Variants in NOTCH4 observed in about 807,000 individuals in gnomAD.
NOTCH4 encodes neurogenic locus notch homolog protein 4.
NOTCH4 carries 138 observed loss-of-function variants against 189.0 expected under a neutral mutation model. The ratio of observed to expected loss-of-function variants is 0.73; its 90% CI spans 0.64 to 0.84. The LOEUF (loss-of-function observed/expected upper bound fraction) is 0.84. Among genes scored for constraint, NOTCH4 ranks in the 40% least tolerant of loss-of-function variants. The probability of loss-of-function intolerance (pLI) is 0.00; values close to 1 mark genes in which losing one functional copy is unlikely to be tolerated. For missense variants in NOTCH4, 2,286 were observed against 2,605.4 expected (o/e 0.88, Z 2.67); for synonymous variants, 942 against 1,032.8 (o/e 0.91, Z 1.69).
chr6:32,197,257 A>G, intron 27 of NOTCH4, 42 bp downstream of exon 27: 2 of 1,514,108 alleles, frequency 1.3e-6, no homozygotes, highest in Non-Finnish European at 8.8e-7. Context: ...CTTTACTTGT[A>G]AGCTCGCCCC....
chr6:32,195,180 C>T lies in NOTCH4; in HGVS notation c.*257G>A, dbSNP rs148437659. 1.1e-3 allele frequency: 559 copies of T among 501,604 alleles called. No homozygotes were observed. The highest frequency in any genetic ancestry group is 1.7e-3 in the Non-Finnish European group (474 of 286,380). The allele number at this position is 501,604 out of a possible 1,614,324, so 31.1% of individuals were successfully genotyped here. A position where few individuals can be genotyped will look rare whatever the true frequency, so the allele number is the denominator to read the frequency against. The stretch of plus-strand genomic sequence containing the variant: ...CCAACTTAGGGGTATTTCCACTCCA[C>T]TCTGCCCTCCTGTGGCCTGTCTTAT... On this transcript the variant is annotated 3_prime_UTR_variant, in exon 30 of 30. Coordinates refer to ENST00000375023, the MANE Select transcript of NOTCH4 (RefSeq NM_004557.4). The surrounding 1 kb of genome is among the most constrained non-coding windows in gnomAD (Gnocchi z 5.4).
chr6:32,216,838 C>A (rs766003092), intron 11 of NOTCH4, 107 bp downstream of exon 11: 5 of 1,276,996 alleles, frequency 3.9e-6, no homozygotes, highest in East Asian at 4.6e-5. Flanking sequence ...ATACCATTCT[C>A]ATTCTATTCT....
intron 11 of NOTCH4, 152 bp downstream of exon 11, chr6:32,216,793 A>C: frequency 1.0e-6 from 1 of 975,486 alleles, no homozygotes; most frequent in Non-Finnish European, 1.6e-6. Flanking sequence ...ATGGTTGTAC[A>C]ATTGTGCAGG....
rs752392588 is a variant in NOTCH4, at chr6:32,198,380, G to T, written c.4756+41C>A. 6 of 1,557,956 alleles carry T rather than the reference G, an allele frequency of 3.9e-6. No individual in the cohort carries two copies. In the South Asian group the frequency reaches 4.7e-5, roughly 12 times the overall value. On this transcript the variant is annotated intron_variant, in intron 26 of 29. Coordinates refer to ENST00000375023, the MANE Select transcript of NOTCH4 (RefSeq NM_004557.4). This position sits in a 1 kb window ranked among gnomAD's most constrained non-coding sequence, Gnocchi z 5.5. Reference sequence around the variant, plus strand: ...ACTCTCTGATTCTAATAGGGTCAAAGGACTTTTTTTTTTTTTCTTGGTCTG... The same window carrying T: ...ACTCTCTGATTCTAATAGGGTCAAATGACTTTTTTTTTTTTTCTTGGTCTG...
At chr6:32,216,617 T>A (rs1170334395) in intron 11 of NOTCH4, 3 of 460,452 alleles carry the variant, frequency 6.5e-6, no homozygotes, top group Non-Finnish European at 1.2e-5. Flanking sequence ...GCAACTGTCT[T>A]ACTCAGATTT....
At position 32,223,767 on chromosome 6, in the gene NOTCH4, C is replaced by T. The variant is rs9469093; in HGVS notation, c.73+89G>A. The T allele has an allele frequency of 0.021, 27,547 of 1,313,144 alleles. 1,030 individuals are homozygous for T. The highest frequency in any genetic ancestry group is 0.15 in the African/African-American group (10,267 of 67,136). The allele number at this position is 1,313,144 out of a possible 1,614,324, so 81.3% of individuals were successfully genotyped here. ...TCTCCTCCATCCAGCATCCCTCACA[C>T]GGCCTGGGGCTTGGCCCTCTTCCCC... On this transcript the variant is annotated intron_variant, in intron 1 of 29. Coordinates refer to ENST00000375023, the MANE Select transcript of NOTCH4 (RefSeq NM_004557.4).
intron 14 of NOTCH4, 114 bp from the exon 15 acceptor site, chr6:32,213,366 C>T (rs907694694): frequency 3.0e-6 from 2 of 677,410 alleles, no homozygotes; most frequent in African/African-American, 1.8e-5. Flanking sequence ...CGACAGCTCA[C>T]TGCCATCCAA....
At chr6:32,207,711 A>G (rs1466395881) in intron 18 of NOTCH4, among the ~76,000 whole-genome samples, 1 of 151,718 alleles carries the variant, frequency 6.6e-6, no homozygotes, top group Non-Finnish European at 1.5e-5. Context: ...CCTTACATGT[A>G]CAGCTGGAAA....
chr6:32,196,007 A>T lies in NOTCH4; in HGVS notation c.5442T>A (p.Asp1814Glu). 1 of 1,599,600 alleles carries T rather than the reference A, an allele frequency of 6.3e-7. No individual in the cohort carries two copies. The highest frequency in any genetic ancestry group is 8.5e-7 in the Non-Finnish European group (1 of 1,179,088). The change falls in exon 30 of 30, where the codon GAT (aspartate) becomes GAA (glutamate). Residue 1814 changes from aspartate to glutamate, a missense_variant. Physicochemically the swap from Asp to Glu is conservative, Grantham distance 45. Coordinates refer to ENST00000375023, the MANE Select transcript of NOTCH4 (RefSeq NM_004557.4). ...CAGCCCCTTCCAGCAGCGTCAGCAG[A>T]TCCCAGTGGTTACGTTGGTGAGCGA... The part of the protein sequence containing the change: ...ADVAHQRNHW[D>E]LLTLLEGAGP...
intron 18 of NOTCH4, among the ~76,000 whole-genome samples, chr6:32,208,065 T>G (rs1189921895): frequency 6.7e-6 from 1 of 149,726 alleles, no homozygotes; most frequent in Non-Finnish European, 1.5e-5. Context: ...TGGGCAAAAG[T>G]TTTTTGGGTA....
In NOTCH4 at chr6:32,197,460, C is replaced by A. The variant is rs1425032163; in HGVS notation, c.4891G>T (p.Val1631Leu). ...DGGACPQAHTVGTGETPLHLA... is the reference protein window; with the variant it reads ...DGGACPQAHTLGTGETPLHLA... ...TGCAGGGGGGTCTCCCCAGTGCCCA[C>A]GGTGTGAGCCTGGGGACAGGCCCCT... The change falls in exon 27 of 30, where the codon GTG becomes TTG. Residue 1631 changes from valine (V) to leucine (L), a missense_variant. By Grantham distance (32) the Val-to-Leu change is conservative. Transcript: ENST00000375023. 1.3e-6 allele frequency: 2 copies of A among 1,579,508 alleles called. No homozygotes were observed. The highest frequency in any genetic ancestry group is 1.7e-6 in the Non-Finnish European group (2 of 1,163,238).
At position 32,199,694 on chromosome 6, in the gene NOTCH4, ACT is replaced by A. The variant is rs1788216119; in HGVS notation, c.4316-551_4316-550del. 2.1e-5 allele frequency among the ~76,000 whole-genome samples: 3 copies of A among 142,698 alleles called. No homozygotes were observed. Among genetic ancestry groups the A allele is most frequent in the South Asian group, 4.8e-4 (2 of 4,208 alleles). 93.6% of individuals were successfully genotyped at this position (142,698 alleles called of 152,430 possible). Reference sequence around the variant, plus strand: ...ACTCCGGCCTGGGCGACAAGGCAAGACTCTGTCTCAAACAAAACAAAACAAAA... The same window carrying A: ...ACTCCGGCCTGGGCGACAAGGCAAGACTGTCTCAAACAAAACAAAACAAAA... On this transcript the variant is annotated intron_variant, in intron 23 of 29. Transcript: ENST00000375023. The surrounding 1 kb of genome is among the most constrained non-coding windows in gnomAD (Gnocchi z 4.9).
intron 1 of NOTCH4, 53 bp downstream of exon 1, chr6:32,223,803 A>T: frequency 6.4e-7 from 1 of 1,567,410 alleles, no homozygotes; most frequent in Non-Finnish European, 8.7e-7. Context: ...CACCCCACTG[A>T]TCATCCTCCT....
rs1788328775 is a variant in NOTCH4 at position 32,201,222 on chromosome 6, G to T, written c.4034C>A (p.Ala1345Asp). Residue 1345 changes from alanine to aspartate, a missense_variant, in exon 22 of 30, where the codon GCC (alanine) becomes GAC (aspartate). Physicochemically the swap from Ala to Asp is moderately radical, Grantham distance 126 (BLOSUM62 -2). Coordinates refer to ENST00000375023, the MANE Select transcript of NOTCH4 (RefSeq NM_004557.4). The surrounding 1 kb of genome is among the most constrained non-coding windows in gnomAD (Gnocchi z 5.5). ...GRDMVYPYPGARAEEKLGGTR... is the reference protein window; with the variant it reads ...GRDMVYPYPGDRAEEKLGGTR... ...TCCTCCTAGCTTTTCTTCAGCCCGGGCCCCAGGATAGGGGTACACCATGTC... is the reference window on the plus strand; with the variant it reads ...TCCTCCTAGCTTTTCTTCAGCCCGGTCCCCAGGATAGGGGTACACCATGTC... 1 of 1,612,872 alleles carries T rather than the reference G, an allele frequency of 6.2e-7. No homozygotes were observed.
At position 32,201,223 on chromosome 6, in the gene NOTCH4, C is replaced by G; in HGVS notation, c.4033G>C (p.Ala1345Pro). ...CCTCCTAGCTTTTCTTCAGCCCGGG[C>G]CCCAGGATAGGGGTACACCATGTCC... ...GRDMVYPYPG[A>P]RAEEKLGGTR... Residue 1345 changes from alanine (A) to proline (P), a missense_variant, in exon 22 of 30, where the codon GCC becomes CCC. This residue lies in a region of NOTCH4 where 1,903 missense variants were observed against 2,261.9 expected (regional missense o/e 0.84). Transcript: ENST00000375023. The surrounding 1 kb of genome is among the most constrained non-coding windows in gnomAD (Gnocchi z 5.5). 6 of 1,613,022 alleles carry G rather than the reference C, an allele frequency of 3.7e-6. No individual in the cohort carries two copies. Among genetic ancestry groups the G allele is most frequent in the Non-Finnish European group, 4.2e-6 (5 of 1,180,018 alleles).
At chr6:32,197,690 G>C in intron 26 of NOTCH4, 96 bp from the exon 27 acceptor site, 1 of 1,133,924 alleles carries the variant, frequency 8.8e-7, no homozygotes, top group Non-Finnish European at 1.2e-6. Flanking sequence ...CTGAGGTGTT[G>C]GGAAGCTAAG....
chr6:32,219,520 G>T, intron 8 of NOTCH4, 72 bp downstream of exon 8: 1 of 1,369,068 alleles, frequency 7.3e-7, no homozygotes, highest in Non-Finnish European at 1.0e-6. Flanking sequence ...TCCTTACTCT[G>T]GAGGGGGCAT....
chr6:32,210,745 C>G lies in NOTCH4; in HGVS notation c.2865+7G>C. ...TTTCCTCCCCCTTCTCCTGCAGACCCTCTCACCTGGCAGAGATACCCACTG... is the reference window on the plus strand; with the variant it reads ...TTTCCTCCCCCTTCTCCTGCAGACCGTCTCACCTGGCAGAGATACCCACTG... On this transcript the variant is annotated splice_region_variant and intron_variant, in intron 18 of 29. Coordinates refer to ENST00000375023, the MANE Select transcript of NOTCH4 (RefSeq NM_004557.4). The surrounding 1 kb of genome is among the most constrained non-coding windows in gnomAD (Gnocchi z 4.8). The G allele has an allele frequency of 6.2e-7, 1 of 1,612,028 alleles. No individual in the cohort carries two copies. Among genetic ancestry groups the G allele is most frequent in the Non-Finnish European group, 8.5e-7 (1 of 1,179,914 alleles).
chr6:32,211,166 A>C (rs8192568), intron 17 of NOTCH4, among the ~76,000 whole-genome samples: 1 of 152,006 alleles, frequency 6.6e-6, no homozygotes, highest in Non-Finnish European at 1.5e-5. Flanking sequence ...AGGCTGAGGC[A>C]GGAGAATCAC....
Sources: allele counts gnomAD v4.1 joint callset (sites outside exome capture counted in the v4.1 genomes callset), GRCh38; gene constraint gnomAD v4.1.1; regional missense constraint gnomAD v4.1.1; non-coding constraint Gnocchi (gnomAD v3.1); transcripts MANE v1.5; gene names NCBI Gene and HGNC (gene_info 2026-07-23, HGNC 2026-07-21).